EEFSEC: variants seen among roughly 807,000 people sequenced by gnomAD.
EEFSEC encodes the protein eukaryotic elongation factor, selenocysteine-tRNA specific, also known as selenocysteine-specific elongation factor.
In EEFSEC, 43 loss-of-function variants were observed where a neutral mutation model predicts 42.1. The ratio of observed to expected loss-of-function variants is 1.02; its 90% CI spans 0.80 to 1.32. The LOEUF (loss-of-function observed/expected upper bound fraction) is 1.32, where lower values mean the gene tolerates loss of function less well. Among genes scored for constraint, EEFSEC ranks in the 40% most tolerant of loss-of-function variants. The pLI, the probability that EEFSEC is intolerant of heterozygous loss-of-function variation, is 0.00. For missense variants in EEFSEC, 745 were observed against 803.6 expected, an observed-to-expected ratio of 0.93 and a Z score of 0.88; for synonymous variants, 354 against 339.1, an observed-to-expected ratio of 1.04 and a Z score of -0.48.
rs185765262 is a variant in EEFSEC at position 128,209,615 on chromosome 3, A to G, written c.317-37221A>G. 2.5e-4 allele frequency among the ~76,000 whole-genome samples: 38 copies of G among 152,362 alleles called. No homozygotes were observed. In the East Asian group the frequency reaches 7.1e-3, roughly 29 times the overall value. On this transcript the variant is annotated intron_variant, in intron 1 of 6. Transcript: ENST00000254730. ...TCCAATTTTTAAATTGTAGATAATC[A>G]TAAGGAAATTTTGCATCACTAAGGC...
intron 1 of EEFSEC, among the ~76,000 whole-genome samples, chr3:128,157,174 C>G (rs945055871): frequency 6.6e-6 from 1 of 152,206 alleles, no homozygotes; most frequent in Admixed American, 6.5e-5. Flanking sequence ...GAAGCCTAAT[C>G]CAGAGCAAGG....
intron 4 of EEFSEC, among the ~76,000 whole-genome samples, chr3:128,280,873 T>C (rs921457397): frequency 2.0e-5 from 3 of 152,166 alleles, no homozygotes; most frequent in African/African-American, 4.8e-5. Flanking sequence ...CTGTTTTTTT[T>C]CCCCTCCACA....
intron 6 of EEFSEC, among the ~76,000 whole-genome samples, chr3:128,380,592 C>T (rs932556707): frequency 1.3e-5 from 2 of 152,172 alleles, no homozygotes; most frequent in Non-Finnish European, 2.9e-5. Flanking sequence ...AGGGTTCGTA[C>T]GTGCTTTACG....
intron 2 of EEFSEC, among the ~76,000 whole-genome samples, chr3:128,248,462 C>T (rs772795076): frequency 3.9e-5 from 6 of 152,170 alleles, no homozygotes; most frequent in East Asian, 1.9e-4. Context: ...GATTTTCTAG[C>T]GCTGCCTTTT....
chr3:128,195,707 T>C (rs965472654), intron 1 of EEFSEC, among the ~76,000 whole-genome samples: 2 of 152,198 alleles, frequency 1.3e-5, no homozygotes, highest in African/African-American at 2.4e-5. Flanking sequence ...TGGCTAAACC[T>C]TCCTATATAA....
intron 6 of EEFSEC, among the ~76,000 whole-genome samples, chr3:128,399,683 G>A (rs757857058): frequency 5.3e-5 from 8 of 151,832 alleles, no homozygotes; most frequent in Admixed American, 2.0e-4. Context: ...TTCCAGAGTC[G>A]CTGTCACTGC....
At chr3:128,287,201 A>G (rs2066594865) in intron 4 of EEFSEC, among the ~76,000 whole-genome samples, 1 of 152,196 alleles carries the variant, frequency 6.6e-6, no homozygotes, top group South Asian at 2.1e-4. Context: ...AAGTGGTGAA[A>G]TGTCCCCCTT....
At chr3:128,344,515 G>A (rs2067290279) in intron 5 of EEFSEC, among the ~76,000 whole-genome samples, 2 of 152,344 alleles carry the variant, frequency 1.3e-5, no homozygotes, top group African/African-American at 4.8e-5. Flanking sequence ...ACCAGCCCAA[G>A]AAATGTGAAG....
chr3:128,168,173 C>G (rs575522278), intron 1 of EEFSEC, among the ~76,000 whole-genome samples: 2 of 152,122 alleles, frequency 1.3e-5, no homozygotes, highest in Non-Finnish European at 2.9e-5. Flanking sequence ...GTAATGCAAG[C>G]CTGTGGCTGA....
At chr3:128,402,470 C>T (rs1324660738) in intron 6 of EEFSEC, among the ~76,000 whole-genome samples, 4 of 152,204 alleles carry the variant, frequency 2.6e-5, no homozygotes, top group East Asian at 1.9e-4. Context: ...AAAAACGTGC[C>T]GCTCCCTTAG....
chr3:128,333,574 TAGA>T (rs1199688636), intron 4 of EEFSEC, among the ~76,000 whole-genome samples: 1 of 152,242 alleles, frequency 6.6e-6, no homozygotes, highest in African/African-American at 2.4e-5. Context: ...CCACTATCAT[TAGA>T]AGTGAATGGA....
chr3:128,166,665 C>G (rs913817811), intron 1 of EEFSEC, among the ~76,000 whole-genome samples: 1 of 152,052 alleles, frequency 6.6e-6, no homozygotes, highest in Non-Finnish European at 1.5e-5. Flanking sequence ...ATTCCACCCT[C>G]TCAGCTTCTT....
At chr3:128,399,265 C>G (rs2068020620) in intron 6 of EEFSEC, among the ~76,000 whole-genome samples, 1 of 152,096 alleles carries the variant, frequency 6.6e-6, no homozygotes, top group Non-Finnish European at 1.5e-5. Flanking sequence ...ATCATTGCTG[C>G]TAAGAAGCTT....
chr3:128,207,698 A>G (rs1199661613), intron 1 of EEFSEC, among the ~76,000 whole-genome samples: 2 of 152,138 alleles, frequency 1.3e-5, no homozygotes, highest in East Asian at 3.9e-4. Context: ...ACAGGGTGCT[A>G]TCTGACAAAG....
chr3:128,355,042 T>G (rs1186644016), intron 5 of EEFSEC, among the ~76,000 whole-genome samples: 1 of 152,214 alleles, frequency 6.6e-6, no homozygotes, highest in African/African-American at 2.4e-5. Flanking sequence ...CAAGGACATA[T>G]CCACTTGAGT....
chr3:128,412,356 C>G (rs1053306859), downstream of EEFSEC, among the ~76,000 whole-genome samples: 2 of 152,240 alleles, frequency 1.3e-5, no homozygotes, highest in Non-Finnish European at 2.9e-5. Flanking sequence ...CGAGCAGCCT[C>G]CATGTGGGGG....
chr3:128,343,404 G>A (rs540678700), intron 5 of EEFSEC, among the ~76,000 whole-genome samples: 2 of 152,162 alleles, frequency 1.3e-5, no homozygotes, highest in Non-Finnish European at 2.9e-5. Context: ...GGGGACTGAG[G>A]AGCAACCCCT....
chr3:128,191,971 A>G (rs2065529596), intron 1 of EEFSEC, among the ~76,000 whole-genome samples: 1 of 152,128 alleles, frequency 6.6e-6, no homozygotes, highest in Non-Finnish European at 1.5e-5. Flanking sequence ...GAGAATTCCT[A>G]TACCTAGGAG....
intron 1 of EEFSEC, among the ~76,000 whole-genome samples, chr3:128,176,872 C>T (rs1489723656): frequency 6.6e-6 from 1 of 152,026 alleles, no homozygotes; most frequent in African/African-American, 2.4e-5. Context: ...CACTATTTTA[C>T]TACTGATAAT....
Sources: allele counts gnomAD v4.1 joint callset (sites outside exome capture counted in the v4.1 genomes callset), GRCh38; gene constraint gnomAD v4.1.1; transcripts MANE v1.5; gene names NCBI Gene and HGNC (gene_info 2026-07-23, HGNC 2026-07-21).